The following PLA2G4A variants were observed in gnomAD, a reference collection of about 807,000 sequenced individuals.
The protein encoded by PLA2G4A is cytosolic phospholipase A2.
A neutral mutation model predicts 81.9 loss-of-function variants in PLA2G4A; 40 were observed. The observed-to-expected ratio is 0.49, with a 90% CI of 0.38 to 0.64. The LOEUF (loss-of-function observed/expected upper bound fraction) is 0.64, where lower values mean the gene tolerates loss of function less well. PLA2G4A is among the 30% of genes least tolerant of loss of function. The pLI is 0.00. For synonymous variants in PLA2G4A, 302 were observed against 296.9 expected, an observed-to-expected ratio of 1.02 and a Z score of -0.18; for missense variants, 715 against 905.1, an observed-to-expected ratio of 0.79 and a Z score of 2.69.
At chr1:186,897,719 G>A (rs1313212079) in intron 5 of PLA2G4A, among the ~76,000 whole-genome samples, 2 of 152,094 alleles carry the variant, frequency 1.3e-5, no homozygotes, top group Non-Finnish European at 2.9e-5. Flanking sequence ...ATGTTGGCCA[G>A]GCTGGTCTCA....
chr1:186,912,111 T>C (rs942375394), intron 7 of PLA2G4A, among the ~76,000 whole-genome samples: 2 of 152,208 alleles, frequency 1.3e-5, no homozygotes, highest in South Asian at 2.1e-4. Flanking sequence ...GGTGGGTCTT[T>C]ACTCAGTGTG....
intron 1 of PLA2G4A, among the ~76,000 whole-genome samples, chr1:186,847,681 G>C (rs1328487663): frequency 6.6e-6 from 1 of 152,106 alleles, no homozygotes; most frequent in East Asian, 1.9e-4. Flanking sequence ...AAATAGTAGA[G>C]ATGTGGGAAG....
At chr1:186,971,158 G>GTTA (rs1388560207) in intron 15 of PLA2G4A, among the ~76,000 whole-genome samples, 13 of 151,614 alleles carry the variant, frequency 8.6e-5, no homozygotes, top group African/African-American at 3.1e-4. Context: ...GCATTATTTT[G>GTTA]TTATACTTAT....
chr1:186,906,637 A>G (rs1404814697), intron 5 of PLA2G4A, among the ~76,000 whole-genome samples: 1 of 152,224 alleles, frequency 6.6e-6, no homozygotes. Flanking sequence ...AGTAGTTTTT[A>G]TATCTCAGGC....
intron 13 of PLA2G4A, among the ~76,000 whole-genome samples, chr1:186,951,479 A>G (rs1162817435): frequency 6.6e-6 from 1 of 151,994 alleles, no homozygotes; most frequent in Non-Finnish European, 1.5e-5. Context: ...AACAAAAACA[A>G]AAACAACAAC....
In PLA2G4A at chr1:186,984,159, C is replaced by CTT. The variant is rs562775472; in HGVS notation, c.2119-4217_2119-4216dup. 2.1e-3 allele frequency among the ~76,000 whole-genome samples: 313 copies of CTT among 152,146 alleles called. 1 individual carries two copies. The highest frequency in any genetic ancestry group is 6.8e-3 in the African/African-American group (284 of 41,514). ...TGATGGGTGTTTAAAATTTCATTGACTTACTGTGGGTAGCAAGTGTCAGGA... is the reference window on the plus strand; with the variant it reads ...TGATGGGTGTTTAAAATTTCATTGACTTTTACTGTGGGTAGCAAGTGTCAGGA... On this transcript the variant is annotated intron_variant, in intron 17 of 17. Coordinates refer to ENST00000367466, the MANE Select transcript of PLA2G4A (RefSeq NM_024420.3).
chr1:186,985,821 A>G (rs977539997), intron 17 of PLA2G4A, among the ~76,000 whole-genome samples: 32 of 152,190 alleles, frequency 2.1e-4, no homozygotes, highest in African/African-American at 6.8e-4. Context: ...TGGAATCCCA[A>G]TGAATTTCAG....
chr1:186,900,542 G>T (rs114968752), intron 5 of PLA2G4A, among the ~76,000 whole-genome samples: 318 of 152,262 alleles, frequency 2.1e-3, no homozygotes, highest in African/African-American at 7.1e-3. Flanking sequence ...TCAATGCAGT[G>T]ATCATTTGTT....
intron 2 of PLA2G4A, 35 bp downstream of exon 2, chr1:186,854,422 A>G (rs113989223): frequency 1.5e-6 from 2 of 1,361,662 alleles, no homozygotes; most frequent in Non-Finnish European, 2.1e-6. Context: ...TCTTTCTTGG[A>G]GGGGGTCTGA....
chr1:186,941,395 A>G (rs1455086946), intron 10 of PLA2G4A, among the ~76,000 whole-genome samples: 1 of 152,156 alleles, frequency 6.6e-6, no homozygotes, highest in Non-Finnish European at 1.5e-5. Context: ...CACACATGGG[A>G]TCCATTCATT....
chr1:186,891,220 T>G (rs558257662), intron 3 of PLA2G4A, among the ~76,000 whole-genome samples: 203 of 152,320 alleles, frequency 1.3e-3, no homozygotes, highest in African/African-American at 4.6e-3. Context: ...TGAAGTGTTT[T>G]GATATAGGTA....
intron 5 of PLA2G4A, among the ~76,000 whole-genome samples, chr1:186,901,806 T>C (rs1654548798): frequency 6.6e-6 from 1 of 152,160 alleles, no homozygotes; most frequent in South Asian, 2.1e-4. Flanking sequence ...TTTAAAAGTC[T>C]TTCAAGTCTG....
At chr1:186,906,890 T>A in intron 5 of PLA2G4A, 75 bp from the exon 6 acceptor site, 2 of 777,748 alleles carry the variant, frequency 2.6e-6, no homozygotes, top group Non-Finnish European at 4.5e-6. Flanking sequence ...ACTCAAAATT[T>A]ATTTTGAGTT....
intron 14 of PLA2G4A, among the ~76,000 whole-genome samples, chr1:186,957,445 A>C (rs1207079424): frequency 6.6e-6 from 1 of 152,236 alleles, no homozygotes; most frequent in Non-Finnish European, 1.5e-5. Flanking sequence ...TGTGCTTGGC[A>C]GCAGAAATAG....
chr1:186,979,943 CTTTTT>C (rs34029312), intron 17 of PLA2G4A, among the ~76,000 whole-genome samples: 17 of 98,792 alleles, frequency 1.7e-4, no homozygotes, highest in South Asian at 4.0e-4. Flanking sequence ...ACAGCATTTC[CTTTTT>C]TTTTTTTTTT....
At chr1:186,851,433 G>A (rs1468326717) in intron 1 of PLA2G4A, among the ~76,000 whole-genome samples, 1 of 151,960 alleles carries the variant, frequency 6.6e-6, no homozygotes, top group Non-Finnish European at 1.5e-5. Context: ...TGAAAATGAG[G>A]CAGGTGATTT....
intron 7 of PLA2G4A, among the ~76,000 whole-genome samples, chr1:186,916,758 G>A (rs780929064): frequency 1.3e-5 from 2 of 152,068 alleles, no homozygotes. Flanking sequence ...AAGTTCCTAG[G>A]CATTCATAGT....
At chr1:186,975,515 T>G (rs1657499792) in intron 15 of PLA2G4A, among the ~76,000 whole-genome samples, 1 of 152,168 alleles carries the variant, frequency 6.6e-6, no homozygotes. Context: ...ACTACTGAGG[T>G]CTTTATACAT....
chr1:186,897,778 G>A (rs926412447), intron 5 of PLA2G4A, among the ~76,000 whole-genome samples: 2 of 152,114 alleles, frequency 1.3e-5, no homozygotes. Context: ...CAAAGTGCTG[G>A]GATTGCAGGC....
Sources: allele counts gnomAD v4.1 joint callset (sites outside exome capture counted in the v4.1 genomes callset), GRCh38; gene constraint gnomAD v4.1.1; transcripts MANE v1.5; gene names NCBI Gene and HGNC (gene_info 2026-07-23, HGNC 2026-07-21).